SLC44A2: variants seen among roughly 807,000 people sequenced by gnomAD.
SLC44A2 encodes the protein choline transporter-like protein 2.
SLC44A2 carries 57 observed loss-of-function variants against 90.8 expected under a neutral mutation model. The ratio of observed to expected loss-of-function variants is 0.63; its 90% CI spans 0.51 to 0.78. SLC44A2 has a LOEUF of 0.78. Ranked by LOEUF, SLC44A2 falls within the 30% of genes least tolerant of loss-of-function variation. SLC44A2 has a pLI of 0.00. For missense variants in SLC44A2, 794 were observed against 919.7 expected (o/e 0.86, Z 1.77); for synonymous variants, 355 against 360.7 (o/e 0.98, Z 0.18).
At chr19:10,642,995 A>T (rs1322230434) in intron 21 of SLC44A2, 1 of 1,568,888 alleles carries the variant, frequency 6.4e-7, no homozygotes, top group Non-Finnish European at 8.6e-7. Context: ...GGAGGAGGGG[A>T]AGCGGGCAGA....
chr19:10,640,838 C>T (rs950910850), intron 20 of SLC44A2, among the ~76,000 whole-genome samples: 3 of 152,118 alleles, frequency 2.0e-5, no homozygotes, highest in Admixed American at 6.6e-5. Flanking sequence ...GTAATCCCAG[C>T]ACTTTGGGAA....
chr19:10,631,967 A>G lies in SLC44A2; in HGVS notation c.710+16A>G. The G allele has an allele frequency of 6.2e-7, 1 of 1,613,928 alleles. No homozygotes were observed. The highest frequency in any genetic ancestry group is 8.5e-7 in the Non-Finnish European group (1 of 1,179,804). ...GGATTATCATGTAAGTCAGGAGGGA[A>G]GGGGCCTCTCCCCTGGCTGCCCCCT... On this transcript the variant is annotated intron_variant, in intron 9 of 21. Coordinates refer to ENST00000335757, the MANE Select transcript of SLC44A2 (RefSeq NM_020428.4).
intron 21 of SLC44A2, 81 bp from the exon 22 acceptor site, chr19:10,643,197 AC>A: frequency 6.6e-7 from 1 of 1,511,100 alleles, no homozygotes; most frequent in South Asian, 1.3e-5. Context: ...CTTCTCTGTG[AC>A]CCTCATCCAC....
chr19:10,622,556 A>G (rs1169331896), upstream of SLC44A2, among the ~76,000 whole-genome samples: 2 of 151,956 alleles, frequency 1.3e-5, no homozygotes, highest in Non-Finnish European at 2.9e-5. Flanking sequence ...GAGGCAGCCC[A>G]GGTTCCTGGC....
At chr19:10,635,279 T>G in intron 13 of SLC44A2, 24 bp downstream of exon 13, 1 of 1,612,778 alleles carries the variant, frequency 6.2e-7, no homozygotes. Context: ...GACACTGATC[T>G]CTGACCCCAG....
At position 10,633,229 on chromosome 19, in the gene SLC44A2, G is replaced by A. The variant is rs570570706; in HGVS notation, c.823+1073G>A. Among the ~76,000 whole-genome samples the A allele has an allele frequency of 2.7e-5, 4 of 150,808 alleles. No individual in the cohort carries two copies. In the South Asian group the frequency reaches 8.4e-4, roughly 32 times the overall value. On this transcript the variant is annotated intron_variant, in intron 10 of 21. Transcript: ENST00000335757. Reference sequence around the variant, plus strand: ...ACCCAGGCTGGCGTGCAGTGGTGCAGTCTCGGCTCACTGCAATCTCTGCCT... The same window carrying A: ...ACCCAGGCTGGCGTGCAGTGGTGCAATCTCGGCTCACTGCAATCTCTGCCT...
At chr19:10,632,758 C>T (rs1387428990) in intron 10 of SLC44A2, among the ~76,000 whole-genome samples, 2 of 150,150 alleles carry the variant, frequency 1.3e-5, no homozygotes, top group South Asian at 2.1e-4. Context: ...CTGCAACCTC[C>T]GCCTCCTGGG....
At chr19:10,606,375 A>AAT (rs374879617) in intron 1 of SLC44A2, among the ~76,000 whole-genome samples, 2,795 of 151,748 alleles carry the variant, frequency 0.018, 91 homozygotes, top group African/African-American at 0.064. Flanking sequence ...ACCTGATTTA[A>AAT]ATATATATAT....
chr19:10,639,698 GC>G (rs1490674852), intron 20 of SLC44A2, among the ~76,000 whole-genome samples: 1 of 152,142 alleles, frequency 6.6e-6, no homozygotes, highest in Non-Finnish European at 1.5e-5. Flanking sequence ...TGCCAGCATG[GC>G]GAAACCCAGT....
At chr19:10,635,359 G>A (rs1402002365) in intron 13 of SLC44A2, 72 bp from the exon 14 acceptor site, 2 of 1,603,618 alleles carry the variant, frequency 1.2e-6, no homozygotes, top group Admixed American at 1.7e-5. Context: ...ACTGGTGGGA[G>A]AATGGATTCT....
intron 1 of SLC44A2, among the ~76,000 whole-genome samples, chr19:10,611,899 C>A (rs890773119): frequency 1.3e-5 from 2 of 152,092 alleles, no homozygotes; most frequent in African/African-American, 4.8e-5. Flanking sequence ...GGACTAAAAG[C>A]TAATTATAAG....
chr19:10,625,611 G>A lies in SLC44A2; in HGVS notation c.-23G>A. 2.4e-6 allele frequency: 3 copies of A among 1,244,126 alleles called. No homozygotes were observed. Among genetic ancestry groups the A allele is most frequent in the Non-Finnish European group, 2.0e-6 (2 of 989,926 alleles). The allele number at this position is 1,244,126 out of a possible 1,614,324, so 77.1% of individuals were successfully genotyped here. ...GGCGCGGGAGAGAGCGCGGGCGGCC[G>A]CCGGGGCTGGTCGCCTGCAGGGATG... is the stretch of plus-strand genomic sequence containing the variant. On this transcript the variant is annotated 5_prime_UTR_variant, in exon 1 of 22. Coordinates refer to ENST00000335757, the MANE Select transcript of SLC44A2 (RefSeq NM_020428.4).
At chr19:10,606,134 C>CA (rs1366356949) in intron 1 of SLC44A2, among the ~76,000 whole-genome samples, 1 of 150,834 alleles carries the variant, frequency 6.6e-6, no homozygotes, top group East Asian at 2.0e-4. Context: ...CCTGTCTCTA[C>CA]AAAAAAATTT....
chr19:10,629,719 ACAG>A (rs774200117), intron 4 of SLC44A2, among the ~76,000 whole-genome samples: 54 of 151,378 alleles, frequency 3.6e-4, no homozygotes, highest in Non-Finnish European at 6.8e-4. Flanking sequence ...CTGGCACAAG[ACAG>A]GCCTGAGCCA....
intron 1 of SLC44A2, chr19:10,602,604 G>A: frequency 8.0e-7 from 1 of 1,249,170 alleles, no homozygotes; most frequent in Non-Finnish European, 1.0e-6. Flanking sequence ...GCTGACCTGC[G>A]GGTGGGAGGA....
intron 1 of SLC44A2, chr19:10,602,656 T>A: frequency 8.9e-7 from 1 of 1,128,796 alleles, no homozygotes; most frequent in Non-Finnish European, 1.1e-6. Flanking sequence ...GCACCGGCGC[T>A]GCGGCTGGAT....
chr19:10,625,133 C>CA (rs1005576736), upstream of SLC44A2: 236 of 142,658 alleles, frequency 1.7e-3, no homozygotes, highest in Middle Eastern at 7.3e-3. Flanking sequence ...GATCCTGTCT[C>CA]AAAAAAAAAA....
At chr19:10,629,162 C>T (rs2066966104) in intron 4 of SLC44A2, among the ~76,000 whole-genome samples, 1 of 150,390 alleles carries the variant, frequency 6.6e-6, no homozygotes, top group Non-Finnish European at 1.5e-5. Context: ...CGAGATCGTG[C>T]CACTGCACTC....
At chr19:10,626,151 C>A in intron 1 of SLC44A2, 102 bp from the exon 2 acceptor site, 3 of 940,706 alleles carry the variant, frequency 3.2e-6, no homozygotes, top group South Asian at 1.3e-5. Context: ...TTTATTCTTG[C>A]CAAGGCAAAG....
Sources: gnomAD v4.1 joint callset for allele counts (sites outside exome capture counted in the v4.1 genomes callset) on GRCh38, gnomAD v4.1.1 for gene constraint, MANE v1.5 for transcripts, NCBI Gene and HGNC (gene_info 2026-07-23, HGNC 2026-07-21) for gene names.